Variants in CAMK4 observed in about 807,000 individuals in gnomAD.
The protein encoded by CAMK4 is calcium/calmodulin dependent protein kinase IV.
Under a neutral mutation model 44.9 loss-of-function variants are expected in CAMK4, and 22 were observed. The observed-to-expected ratio is 0.49, with a 90% CI of 0.35 to 0.70. CAMK4 has a LOEUF of 0.70. CAMK4 is among the 30% of genes least tolerant of loss of function. The pLI is 0.01. For synonymous variants in CAMK4, 218 were observed against 215.4 expected (o/e 1.01, Z -0.11); for missense variants, 498 against 586.8 (o/e 0.85, Z 1.56).
At chr5:111,465,632 A>T (rs768415394) in intron 7 of CAMK4, among the ~76,000 whole-genome samples, 7 of 152,174 alleles carry the variant, frequency 4.6e-5, no homozygotes, top group Non-Finnish European at 7.4e-5. Flanking sequence ...CTGGAAATAT[A>T]CCACCCTCTT....
At chr5:111,450,187 A>G (rs1050358749) in intron 7 of CAMK4, among the ~76,000 whole-genome samples, 1 of 152,048 alleles carries the variant, frequency 6.6e-6, no homozygotes, top group African/African-American at 2.4e-5. Flanking sequence ...AAAATTAGCC[A>G]GGTATGATGG....
intron 5 of CAMK4, among the ~76,000 whole-genome samples, chr5:111,421,348 C>T (rs1561477433): frequency 6.6e-6 from 1 of 152,140 alleles, no homozygotes; most frequent in Admixed American, 6.5e-5. Flanking sequence ...AAGGGATGCC[C>T]CCAAAAGTTT....
At chr5:111,432,985 C>A (rs1299828743) in intron 5 of CAMK4, among the ~76,000 whole-genome samples, 2 of 151,998 alleles carry the variant, frequency 1.3e-5, no homozygotes, top group Non-Finnish European at 2.9e-5. Flanking sequence ...ATGATGACAG[C>A]ATTAAAATAT....
Position 111,369,092 on chromosome 5 carries a change from G to A in CAMK4, c.241-5758G>A, listed in dbSNP as rs1047249597. Among the ~76,000 whole-genome samples, 35 of 150,768 alleles carry A rather than the reference G, an allele frequency of 2.3e-4. 1 individual carries two copies. The highest frequency in any genetic ancestry group is 8.3e-4 in the African/African-American group (34 of 41,088). On this transcript the variant is annotated intron_variant, in intron 2 of 10. Coordinates refer to ENST00000282356, the MANE Select transcript of CAMK4 (RefSeq NM_001744.6). ...TTATTATTATTATTATTGAGACAGGGTCTCATTCTGTTGCCCAGGCTGGAG... is the reference window on the plus strand; with the variant it reads ...TTATTATTATTATTATTGAGACAGGATCTCATTCTGTTGCCCAGGCTGGAG...
At position 111,290,692 on chromosome 5, in the gene CAMK4, G is replaced by T. The variant is rs1747205270; in HGVS notation, c.162-53332G>T. 6.6e-6 allele frequency among the ~76,000 whole-genome samples: 1 copy of T among 152,166 alleles called. No individual in the cohort carries two copies. The highest frequency in any genetic ancestry group is 6.5e-5 in the Admixed American group (1 of 15,278). On this transcript the variant is annotated intron_variant, in intron 1 of 10. Coordinates refer to ENST00000282356, the MANE Select transcript of CAMK4 (RefSeq NM_001744.6). This position sits in a 1 kb window ranked among gnomAD's most constrained non-coding sequence, Gnocchi z 4.5. The stretch of plus-strand genomic sequence containing the variant: ...GTTTCCACATTTGTGAGTTGCATAT[G>T]TGCGGGTGCCATGGGGTCGAGTGAT...
chr5:111,433,685 T>A lies in CAMK4; in HGVS notation c.460-13001T>A, dbSNP rs182060865. The stretch of plus-strand genomic sequence containing the variant: ...CAAGAATCTCTATAAAATACATTTT[T>A]AAAAAATCATTATTAAGTACATGAA... On this transcript the variant is annotated intron_variant, in intron 5 of 10. Transcript: ENST00000282356. 7.5e-3 allele frequency among the ~76,000 whole-genome samples: 1,149 copies of A among 152,254 alleles called. 6 individuals carry two copies. Among genetic ancestry groups the A allele is most frequent in the Non-Finnish European group, 0.013 (891 of 68,010 alleles).
chr5:111,270,484 A>T (rs1032449967), intron 1 of CAMK4, among the ~76,000 whole-genome samples: 10 of 152,174 alleles, frequency 6.6e-5, no homozygotes, highest in African/African-American at 2.2e-4. Flanking sequence ...TACACACCTG[A>T]TACTATTAAC....
intron 1 of CAMK4, among the ~76,000 whole-genome samples, chr5:111,317,347 G>A (rs1221677271): frequency 6.6e-6 from 1 of 152,008 alleles, no homozygotes; most frequent in Non-Finnish European, 1.5e-5. Flanking sequence ...TTATTTCAAG[G>A]AGTATATTGT....
chr5:111,329,498 C>T (rs1439228090), intron 1 of CAMK4, among the ~76,000 whole-genome samples: 1 of 151,812 alleles, frequency 6.6e-6, no homozygotes, highest in Non-Finnish European at 1.5e-5. Flanking sequence ...AACACTAATA[C>T]CACATTATTT....
At position 111,355,400 on chromosome 5, in the gene CAMK4, A is replaced by G. The variant is rs985609523; in HGVS notation, c.240+11298A>G. Among the ~76,000 whole-genome samples, 7 of 152,100 alleles carry G rather than the reference A, an allele frequency of 4.6e-5. No homozygotes were observed. The East Asian group carries it at 5.8e-4, about 13-fold the overall frequency. Reference sequence around the variant, plus strand: ...ATTCAAGAATATACTTGAAAGTCAGAACATTCTTCCAGAGCATTGTTATGA... The same window carrying G: ...ATTCAAGAATATACTTGAAAGTCAGGACATTCTTCCAGAGCATTGTTATGA... On this transcript the variant is annotated intron_variant, in intron 2 of 10. Coordinates refer to ENST00000282356, the MANE Select transcript of CAMK4 (RefSeq NM_001744.6).
intron 7 of CAMK4, among the ~76,000 whole-genome samples, chr5:111,461,346 T>C (rs76031449): frequency 1.5e-3 from 233 of 152,314 alleles, no homozygotes; most frequent in African/African-American, 4.9e-3. Context: ...GTCTCAGGTG[T>C]GATTCAGTCT....
intron 1 of CAMK4, among the ~76,000 whole-genome samples, chr5:111,289,178 C>G (rs1055641270): frequency 6.6e-6 from 1 of 152,102 alleles, no homozygotes; most frequent in Non-Finnish European, 1.5e-5. Flanking sequence ...GAAACCCCAT[C>G]TCTACTAAAA....
intron 1 of CAMK4, among the ~76,000 whole-genome samples, chr5:111,299,728 C>A (rs1026485589): frequency 2.6e-5 from 4 of 152,168 alleles, no homozygotes; most frequent in Non-Finnish European, 5.9e-5. Flanking sequence ...GTAGCTAGTG[C>A]TTTGCTTCTG....
At chr5:111,445,899 GA>G (rs1367090480) in intron 5 of CAMK4, among the ~76,000 whole-genome samples, 1 of 152,118 alleles carries the variant, frequency 6.6e-6, no homozygotes, top group Non-Finnish European at 1.5e-5. Flanking sequence ...AACTTTTTGG[GA>G]AAAAACGTTT....
rs75270965 is a variant in CAMK4 at position 111,376,667 on chromosome 5, G to C, written c.304-193G>C. On this transcript the variant is annotated intron_variant, in intron 3 of 10. Coordinates refer to ENST00000282356, the MANE Select transcript of CAMK4 (RefSeq NM_001744.6). Reference sequence around the variant, plus strand: ...ATTTTATAGGAACTTTGAAAAAAATGAGGTAACTGATAAAATCAACAACCC... The same window carrying C: ...ATTTTATAGGAACTTTGAAAAAAATCAGGTAACTGATAAAATCAACAACCC... 4.2e-3 allele frequency among the ~76,000 whole-genome samples: 643 copies of C among 152,162 alleles called. 7 individuals are homozygous for C. The highest frequency in any genetic ancestry group is 0.014 in the African/African-American group (564 of 41,536).
At chr5:111,414,557 A>C (rs1185661612) in intron 5 of CAMK4, among the ~76,000 whole-genome samples, 1 of 152,218 alleles carries the variant, frequency 6.6e-6, no homozygotes, top group Non-Finnish European at 1.5e-5. Flanking sequence ...ATTCAGGGCA[A>C]TAAGACATGA....
At chr5:111,331,959 G>A (rs1749184323) in intron 1 of CAMK4, among the ~76,000 whole-genome samples, 1 of 151,618 alleles carries the variant, frequency 6.6e-6, no homozygotes, top group Non-Finnish European at 1.5e-5. Flanking sequence ...GCCTAGCACA[G>A]TGCCTAATAA....
chr5:111,341,240 A>G (rs964751659), intron 1 of CAMK4, among the ~76,000 whole-genome samples: 1 of 151,218 alleles, frequency 6.6e-6, no homozygotes, highest in Non-Finnish European at 1.5e-5. Context: ...CATTTATTGT[A>G]TTTTTGATTT....
At chr5:111,344,565 T>G (rs1749792165) in intron 2 of CAMK4, among the ~76,000 whole-genome samples, 1 of 151,918 alleles carries the variant, frequency 6.6e-6, no homozygotes, top group South Asian at 2.1e-4. Flanking sequence ...CATCAGATTC[T>G]AATTTGCCTT....
Sources: allele counts gnomAD v4.1 joint callset (sites outside exome capture counted in the v4.1 genomes callset), GRCh38; gene constraint gnomAD v4.1.1; non-coding constraint Gnocchi (gnomAD v3.1); transcripts MANE v1.5; gene names NCBI Gene and HGNC (gene_info 2026-07-23, HGNC 2026-07-21).